MRRF: variants seen among roughly 807,000 people sequenced by gnomAD.
MRRF encodes mitochondrial ribosome recycling factor.
Under a neutral mutation model 25.1 loss-of-function variants are expected in MRRF, and 18 were observed. That is an observed-to-expected ratio of 0.72 (90% CI 0.50 to 1.06). The LOEUF (loss-of-function observed/expected upper bound fraction) is 1.06. Among genes scored for constraint, MRRF ranks in the 50% least tolerant of loss-of-function variants. The pLI is 0.00. For synonymous variants in MRRF, 113 were observed against 112.1 expected (o/e 1.01, Z -0.05); for missense variants, 323 against 319.3 (o/e 1.01, Z -0.09).
At chr9:122,266,900 C>T (rs565352747) in intron 1 of MRRF, among the ~76,000 whole-genome samples, 8 of 151,920 alleles carry the variant, frequency 5.3e-5, no homozygotes, top group South Asian at 4.2e-4. Context: ...GGTGAAACCC[C>T]GTCTACTAAA....
rs188084994 is a variant in MRRF at position 122,266,418 on chromosome 9, G to A, written c.-29+1480G>A. Among the ~76,000 whole-genome samples, 214 of 152,336 alleles carry A rather than the reference G, an allele frequency of 1.4e-3. 2 individuals carry two copies. The highest frequency in any genetic ancestry group is 6.5e-4 in the Non-Finnish European group (44 of 68,020). ...ATAAAAACGGAGACAAACAGTTAAA[G>A]AGGTGAGGGAAGATCATCAAGGAGA... On this transcript the variant is annotated intron_variant, in intron 1 of 6. Transcript: ENST00000344641.
rs1008398285 is a variant in MRRF, at chr9:122,283,116, C to CAA, written c.341-2052_341-2051insAA. 2.1e-5 allele frequency among the ~76,000 whole-genome samples: 3 copies of CAA among 143,682 alleles called. No homozygotes were observed. The East Asian group carries it at 6.1e-4, about 29-fold the overall frequency. 94.3% of individuals were successfully genotyped at this position (143,682 alleles called of 152,430 possible). ...AATTTTTTTTTTTTTTTTTTGGAGT[C>CAA]AGAGTCTTGCACTGTCGCCAGGAGT... On this transcript the variant is annotated intron_variant, in intron 3 of 6. Transcript: ENST00000344641.
At chr9:122,268,361 G>A (rs1003976286) in intron 1 of MRRF, among the ~76,000 whole-genome samples, 2 of 152,184 alleles carry the variant, frequency 1.3e-5, no homozygotes, top group Non-Finnish European at 2.9e-5. Context: ...GGAATACCAG[G>A]AAACCTGTCT....
intron 5 of MRRF, among the ~76,000 whole-genome samples, chr9:122,299,556 A>G (rs1718772502): frequency 6.6e-6 from 1 of 152,122 alleles, no homozygotes; most frequent in South Asian, 2.1e-4. Flanking sequence ...TCAGGAACTT[A>G]TAAAGGAGGC....
chr9:122,299,785 A>G (rs2118869562), intron 5 of MRRF, among the ~76,000 whole-genome samples: 1 of 152,096 alleles, frequency 6.6e-6, no homozygotes, highest in African/African-American at 2.4e-5. Context: ...GAGGGGAGGG[A>G]GTGATGGGGT....
rs745660111 is a variant in MRRF at position 122,313,327 on chromosome 9, A to G, written c.652A>G (p.Lys218Glu). The change falls in exon 6 of 7, where the codon AAG becomes GAG. Residue 218 changes from lysine to glutamate, a missense_variant. Transcript: ENST00000344641. ...LRKVRTNSMN[K>E]LKKSKDTVSE... is the part of the protein sequence containing the mutation. ...GAAGGTTCGCACCAACTCAATGAACAAGCTGAAGAAATCCAAGGATACAGT... is the reference window on the plus strand; with the variant it reads ...GAAGGTTCGCACCAACTCAATGAACGAGCTGAAGAAATCCAAGGATACAGT... The G allele has an allele frequency of 7.4e-6, 12 of 1,614,062 alleles. No homozygotes were observed. The highest frequency in any genetic ancestry group is 9.3e-6 in the Non-Finnish European group (11 of 1,179,990).
chr9:122,298,392 A>C (rs1408979514), intron 5 of MRRF, among the ~76,000 whole-genome samples: 2 of 152,190 alleles, frequency 1.3e-5, no homozygotes, highest in Non-Finnish European at 2.9e-5. Flanking sequence ...CAACTTTATC[A>C]AGGTATAACT....
intron 3 of MRRF, 74 bp from the exon 4 acceptor site, chr9:122,285,095 T>G (rs1176891694): frequency 2.6e-5 from 24 of 939,290 alleles, no homozygotes. Flanking sequence ...AACCTGAATC[T>G]GAATTAGATA....
chr9:122,328,880 G>C lies in MRRF; in HGVS notation c.*6263G>C, dbSNP rs1836212574. On this transcript the variant is annotated 3_prime_UTR_variant, in exon 7 of 7. Transcript: ENST00000344641. ...CTTTTTTTTTTAATAAGAGATGAGG[G>C]GTCTCCCTATGTTGCCCAGGCTGGA... 6.6e-6 allele frequency: 1 copy of C among 151,710 alleles called. No homozygotes were observed. Among genetic ancestry groups the C allele is most frequent in the African/African-American group, 2.4e-5 (1 of 41,238 alleles). 9.4% of individuals were successfully genotyped at this position (151,710 alleles called of 1,614,324 possible). A position where few individuals can be genotyped will look rare whatever the true frequency, so the allele number is the denominator to read the frequency against.
At chr9:122,282,623 G>C (rs1177416628) in intron 3 of MRRF, among the ~76,000 whole-genome samples, 2 of 152,136 alleles carry the variant, frequency 1.3e-5, no homozygotes, top group Non-Finnish European at 2.9e-5. Flanking sequence ...TTGTCTATAA[G>C]GTAGAAATAA....
At chr9:122,281,222 T>C (rs1028144181) in intron 3 of MRRF, among the ~76,000 whole-genome samples, 1 of 152,162 alleles carries the variant, frequency 6.6e-6, no homozygotes, top group African/African-American at 2.4e-5. Flanking sequence ...TGTTTGCAGA[T>C]GTGATGGAGA....
chr9:122,316,396 G>A (rs1052102709), intron 6 of MRRF, among the ~76,000 whole-genome samples: 3 of 151,998 alleles, frequency 2.0e-5, no homozygotes, highest in Non-Finnish European at 4.4e-5. Context: ...GGCTGGTCTT[G>A]AACTCCTGAC....
rs1835954266 is a variant in MRRF, at chr9:122,322,563, A to G, written c.735A>G (p.Thr245=). ...EKQISQMADD[T]VAELDRHLAV... is the part of the protein sequence containing the mutation. ...AGATCAGCCAAATGGCCGATGACAC[A>G]GTGGCAGAACTGGACAGGCATCTGG... The change falls in exon 7 of 7, where the codon ACA becomes ACG. Residue 245 remains threonine (T), a synonymous_variant. Transcript: ENST00000344641. 1.2e-6 allele frequency: 2 copies of G among 1,614,058 alleles called. No individual in the cohort carries two copies. The highest frequency in any genetic ancestry group is 1.7e-6 in the Non-Finnish European group (2 of 1,180,048).
chr9:122,303,031 A>G (rs1834570499), intron 5 of MRRF, among the ~76,000 whole-genome samples: 1 of 152,076 alleles, frequency 6.6e-6, no homozygotes, highest in Non-Finnish European at 1.5e-5. Context: ...TCCTTTGCCC[A>G]TTTTATAATT....
chr9:122,266,330 G>A (rs1832082426), intron 1 of MRRF, among the ~76,000 whole-genome samples: 1 of 152,306 alleles, frequency 6.6e-6, no homozygotes, highest in Middle Eastern at 3.4e-3. Context: ...GACCTAGTTG[G>A]GCTGTAGGAG....
At chr9:122,298,612 T>C (rs10818679) in intron 5 of MRRF, among the ~76,000 whole-genome samples, 5,636 of 152,290 alleles carry the variant, frequency 0.037, 211 homozygotes, top group South Asian at 0.15. Flanking sequence ...AGAGTTTTTA[T>C]GCTGAAATGT....
chr9:122,307,444 A>G (rs1047938729), intron 5 of MRRF, among the ~76,000 whole-genome samples: 1 of 152,140 alleles, frequency 6.6e-6, no homozygotes, highest in African/African-American at 2.4e-5. Flanking sequence ...CTATCTGCTC[A>G]GTTGCCTAAG....
At chr9:122,269,312 CAGAAA>C (rs541230024) in intron 1 of MRRF, among the ~76,000 whole-genome samples, 72 of 152,138 alleles carry the variant, frequency 4.7e-4, no homozygotes, top group East Asian at 1.7e-3. Flanking sequence ...AAGTGATGCT[CAGAAA>C]AGAAGAGTAA....
rs1048152082 is a variant in MRRF at position 122,329,744 on chromosome 9, C to G, written c.*7127C>G. 4 of 152,272 alleles carry G rather than the reference C, an allele frequency of 2.6e-5. No individual in the cohort carries two copies. Among genetic ancestry groups the G allele is most frequent in the Non-Finnish European group, 5.9e-5 (4 of 68,088 alleles). The allele number at this position is 152,272 out of a possible 1,614,324, so 9.4% of individuals were successfully genotyped here. ...CAGGGAACAGATGTGGCAAATGTTCCAGGCTGGCCTCACCCGGGTCTCTAG... is the reference window on the plus strand; with the variant it reads ...CAGGGAACAGATGTGGCAAATGTTCGAGGCTGGCCTCACCCGGGTCTCTAG... On this transcript the variant is annotated 3_prime_UTR_variant, in exon 7 of 7. Transcript: ENST00000344641.
Sources: gnomAD v4.1 joint callset for allele counts (sites outside exome capture counted in the v4.1 genomes callset) on GRCh38, gnomAD v4.1.1 for gene constraint, MANE v1.5 for transcripts, NCBI Gene and HGNC (gene_info 2026-07-23, HGNC 2026-07-21) for gene names.